CNTNAP2: variants seen among roughly 807,000 people sequenced by gnomAD.
The protein encoded by CNTNAP2 is contactin-associated protein-like 2.
Under a neutral mutation model 155.2 loss-of-function variants are expected in CNTNAP2, and 98 were observed. The observed-to-expected ratio is 0.63, with a 90% CI of 0.54 to 0.75. The LOEUF is 0.75. Ranked by LOEUF, CNTNAP2 falls within the 30% of genes least tolerant of loss-of-function variation. The pLI is 0.00. For missense variants in CNTNAP2, 1,727 were observed against 1,688.1 expected (o/e 1.02, Z -0.40); for synonymous variants, 651 against 631.2 (o/e 1.03, Z -0.47).
At chr7:146,799,525 A>G (rs1250258690) in intron 2 of CNTNAP2, among the ~76,000 whole-genome samples, 1 of 152,214 alleles carries the variant, frequency 6.6e-6, no homozygotes, top group Non-Finnish European at 1.5e-5. Context: ...TGTTTTATAT[A>G]TGACTTACAT....
intron 15 of CNTNAP2, among the ~76,000 whole-genome samples, chr7:148,111,177 A>T (rs916852364): frequency 6.6e-6 from 1 of 152,164 alleles, no homozygotes; most frequent in African/African-American, 2.4e-5. Flanking sequence ...GTCACCAACT[A>T]TGTAGGATAA....
chr7:147,919,482 A>G (rs111578899), intron 14 of CNTNAP2, among the ~76,000 whole-genome samples: 34,856 of 53,214 alleles, frequency 0.66, 13,811 homozygotes, highest in East Asian at 0.75. Context: ...TTTTTGAGAC[A>G]GAGTCTTGCT....
chr7:146,451,917 T>C (rs958352730), intron 1 of CNTNAP2, among the ~76,000 whole-genome samples: 4 of 149,542 alleles, frequency 2.7e-5, no homozygotes, highest in Admixed American at 6.7e-5. Flanking sequence ...TATTTATTTA[T>C]TTATTTTTTG....
intron 19 of CNTNAP2, among the ~76,000 whole-genome samples, chr7:148,219,048 T>C (rs1367285704): frequency 7.0e-6 from 1 of 142,224 alleles, no homozygotes; most frequent in Non-Finnish European, 1.5e-5. Context: ...GTTCAAGCAA[T>C]TCTCCTGCCT....
chr7:146,122,378 T>C (rs1797576330), intron 1 of CNTNAP2, among the ~76,000 whole-genome samples: 1 of 152,228 alleles, frequency 6.6e-6, no homozygotes, highest in Non-Finnish European at 1.5e-5. Context: ...CATTTAAGCC[T>C]TATTCTTTTG....
At chr7:146,502,224 AATATATATATATATAT>A (rs59759183) in intron 1 of CNTNAP2, among the ~76,000 whole-genome samples, 110 of 94,810 alleles carry the variant, frequency 1.2e-3, no homozygotes, top group South Asian at 3.7e-3. Context: ...TATATATATG[AATATATATATATATAT>A]ATATATATAT....
At chr7:147,052,126 G>T (rs1799485469) in intron 4 of CNTNAP2, among the ~76,000 whole-genome samples, 1 of 151,994 alleles carries the variant, frequency 6.6e-6, no homozygotes, top group African/African-American at 2.4e-5. Flanking sequence ...CAGTTGAAAT[G>T]CAGTCTTTAA....
chr7:147,742,544 C>G (rs1198534282), intron 13 of CNTNAP2, among the ~76,000 whole-genome samples: 1 of 152,148 alleles, frequency 6.6e-6, no homozygotes, highest in African/African-American at 2.4e-5. Context: ...TCTTTCTTTC[C>G]TTTTCTCTGC....
At chr7:147,549,265 G>A (rs1799804856) in intron 11 of CNTNAP2, among the ~76,000 whole-genome samples, 1 of 152,002 alleles carries the variant, frequency 6.6e-6, no homozygotes. Flanking sequence ...TTGATGTCCT[G>A]TCTTATTTTC....
At position 147,639,434 on chromosome 7, in the gene CNTNAP2, A is replaced by C. The variant is rs1795239331; in HGVS notation, c.2098+128A>C. 4.6e-6 allele frequency: 4 copies of C among 873,068 alleles called. No homozygotes were observed. The Admixed American group carries it at 6.2e-5, about 13-fold the overall frequency. The allele number at this position is 873,068 out of a possible 1,614,324, so 54.1% of individuals were successfully genotyped here. A position where few individuals can be genotyped will look rare whatever the true frequency, so the allele number is the denominator to read the frequency against. ...TTCAGTAGGAAGGAAGCTGTAAATA[A>C]GTAAAATAAAATCATTGGGCTTGTT... On this transcript the variant is annotated intron_variant, in intron 13 of 23. Transcript: ENST00000361727.
At chr7:147,667,351 C>G (rs1054682001) in intron 13 of CNTNAP2, among the ~76,000 whole-genome samples, 1 of 152,118 alleles carries the variant, frequency 6.6e-6, no homozygotes, top group African/African-American at 2.4e-5. Context: ...CTAAGGGGGC[C>G]AAGTCAATGC....
intron 3 of CNTNAP2, among the ~76,000 whole-genome samples, chr7:146,934,650 G>A (rs1028447154): frequency 8.6e-5 from 13 of 151,970 alleles, no homozygotes; most frequent in South Asian, 6.3e-4. Context: ...ACATGTATTC[G>A]CATTTATAAT....
chr7:147,308,071 G>A (rs1184452025), intron 9 of CNTNAP2, among the ~76,000 whole-genome samples: 3 of 152,124 alleles, frequency 2.0e-5, no homozygotes, highest in African/African-American at 7.2e-5. Flanking sequence ...ATCTTTAAAT[G>A]GCCAGAGAAA....
At chr7:148,394,467 C>T (rs964844831) in intron 22 of CNTNAP2, among the ~76,000 whole-genome samples, 11 of 151,570 alleles carry the variant, frequency 7.3e-5, no homozygotes, top group African/African-American at 2.2e-4. Flanking sequence ...AGTTTTTTTT[C>T]CCAGAATTTT....
chr7:146,920,239 C>T (rs956451126), intron 3 of CNTNAP2, among the ~76,000 whole-genome samples: 6 of 152,058 alleles, frequency 3.9e-5, no homozygotes, highest in African/African-American at 1.4e-4. Context: ...GGTGGTGAAA[C>T]TCCATCTCTA....
intron 13 of CNTNAP2, among the ~76,000 whole-genome samples, chr7:147,723,158 C>T (rs1468109733): frequency 1.3e-5 from 2 of 151,414 alleles, no homozygotes; most frequent in Non-Finnish European, 1.5e-5. Context: ...GTTCTCTCTC[C>T]TCTACTCCAT....
At chr7:146,717,395 C>T (rs906985459) in intron 1 of CNTNAP2, among the ~76,000 whole-genome samples, 2 of 150,328 alleles carry the variant, frequency 1.3e-5, no homozygotes, top group Non-Finnish European at 3.0e-5. Flanking sequence ...TGCCTGTAAT[C>T]CCAGCTGCTC....
chr7:146,708,755 A>C (rs1801010890), intron 1 of CNTNAP2, among the ~76,000 whole-genome samples: 1 of 151,500 alleles, frequency 6.6e-6, no homozygotes, highest in South Asian at 2.1e-4. Flanking sequence ...ACCACCACAC[A>C]TGGCTAATTT....
chr7:146,918,063 TA>T (rs1358970980), intron 3 of CNTNAP2, among the ~76,000 whole-genome samples: 1 of 152,210 alleles, frequency 6.6e-6, no homozygotes, highest in East Asian at 1.9e-4. Context: ...ACCTTAAGTT[TA>T]TGCAAGTCCA....
Sources: gnomAD v4.1 joint callset for allele counts (sites outside exome capture counted in the v4.1 genomes callset) on GRCh38, gnomAD v4.1.1 for gene constraint, MANE v1.5 for transcripts, NCBI Gene and HGNC (gene_info 2026-07-23, HGNC 2026-07-21) for gene names.